Variants in HECW2 observed in about 807,000 individuals in gnomAD.
HECW2 encodes the protein HECT, C2 and WW domain containing E3 ubiquitin protein ligase 2, also known as E3 ubiquitin-protein ligase HECW2.
In HECW2, 61 loss-of-function variants were observed where a neutral mutation model predicts 175.2. The ratio of observed to expected loss-of-function variants is 0.35; its 90% CI spans 0.28 to 0.43. HECW2 has a LOEUF of 0.43. Ranked by LOEUF, HECW2 falls within the 20% of genes least tolerant of loss-of-function variation. The pLI is 1.00. For missense variants in HECW2, 1,524 were observed against 2,000.5 expected (o/e 0.76, Z 4.54); for synonymous variants, 671 against 731.0 (o/e 0.92, Z 1.32).
At chr2:196,575,546 T>A (rs185521644) in intron 1 of HECW2, among the ~76,000 whole-genome samples, 317 of 152,242 alleles carry the variant, frequency 2.1e-3, no homozygotes, top group African/African-American at 7.2e-3. Flanking sequence ...AAAGAAAATA[T>A]GGTGTATGTA....
chr2:196,257,514 C>T lies in HECW2; in HGVS notation c.3419+309G>A, dbSNP rs1689108408. Among the ~76,000 whole-genome samples the T allele has an allele frequency of 5.3e-5, 8 of 152,280 alleles. No individual in the cohort carries two copies. The South Asian group carries it at 1.7e-3, about 32-fold the overall frequency. On this transcript the variant is annotated intron_variant, in intron 18 of 28. Transcript: ENST00000644978. ...ACACTGAGGGGTAAACGGTGGATGC[C>T]TTGTTCAGATACCCTTCTGTTCCAT...
At position 196,466,859 on chromosome 2, in the gene HECW2, G is replaced by T. The variant is rs201870554; in HGVS notation, c.-35-33401C>A. 2.6e-5 allele frequency among the ~76,000 whole-genome samples: 4 copies of T among 152,216 alleles called. No individual in the cohort carries two copies. The East Asian group carries it at 7.7e-4, about 29-fold the overall frequency. On this transcript the variant is annotated intron_variant, in intron 1 of 28. Coordinates refer to ENST00000644978, the MANE Select transcript of HECW2 (RefSeq NM_001348768.2). The stretch of plus-strand genomic sequence containing the variant: ...GAAGGAGCTACTGAAGTTCTATGAT[G>T]AGAGTGATAAAGAAGTGTTTTAAGA...
chr2:196,212,432 T>C (rs943582456), intron 28 of HECW2, among the ~76,000 whole-genome samples: 2 of 152,168 alleles, frequency 1.3e-5, no homozygotes, highest in African/African-American at 4.8e-5. Context: ...CTCCCGCTTG[T>C]GAGAAGATGT....
At chr2:196,548,009 A>G (rs1689480202) in intron 1 of HECW2, among the ~76,000 whole-genome samples, 1 of 152,096 alleles carries the variant, frequency 6.6e-6, no homozygotes, top group South Asian at 2.1e-4. Context: ...TCCAAATGCA[A>G]CTCATTGCTT....
chr2:196,553,413 A>T (rs1363127059), intron 1 of HECW2, among the ~76,000 whole-genome samples: 1 of 152,250 alleles, frequency 6.6e-6, no homozygotes, highest in African/African-American at 2.4e-5. Flanking sequence ...AGCACCAGAT[A>T]CTGTGCTAGA....
intron 1 of HECW2, among the ~76,000 whole-genome samples, chr2:196,585,855 A>G (rs1473021632): frequency 6.6e-6 from 1 of 152,204 alleles, no homozygotes; most frequent in African/African-American, 2.4e-5. Context: ...GTCCATTTGG[A>G]TAAAATGAAG....
chr2:196,415,624 G>A (rs981298500), intron 2 of HECW2, among the ~76,000 whole-genome samples: 9 of 152,142 alleles, frequency 5.9e-5, no homozygotes, highest in Non-Finnish European at 1.3e-4. Context: ...TGCATGACAT[G>A]CAGAATGGGC....
chr2:196,437,177 A>AT (rs1366724120), intron 1 of HECW2, among the ~76,000 whole-genome samples: 1 of 152,150 alleles, frequency 6.6e-6, no homozygotes, highest in Non-Finnish European at 1.5e-5. Context: ...TTAGAAAAAA[A>AT]AAGAAACGCA....
intron 17 of HECW2, among the ~76,000 whole-genome samples, chr2:196,268,507 C>T (rs905451891): frequency 6.6e-6 from 1 of 152,162 alleles, no homozygotes; most frequent in African/African-American, 2.4e-5. Flanking sequence ...CCAACTTGGG[C>T]CTGCAGCTTT....
At chr2:196,370,350 CTCTG>C (rs1050899396) in intron 2 of HECW2, among the ~76,000 whole-genome samples, 3 of 152,190 alleles carry the variant, frequency 2.0e-5, no homozygotes, top group Non-Finnish European at 4.4e-5. Context: ...AGCCTCAAGA[CTCTG>C]TCTGGTGTCG....
intron 4 of HECW2, chr2:196,331,377 C>G (rs974654383): frequency 7.6e-6 from 5 of 659,742 alleles, no homozygotes; most frequent in Middle Eastern, 7.7e-4. Context: ...CCACACACTA[C>G]GCTGGACTAT....
intron 1 of HECW2, among the ~76,000 whole-genome samples, chr2:196,495,678 C>G (rs915819251): frequency 4.6e-5 from 7 of 152,166 alleles, no homozygotes; most frequent in Non-Finnish European, 8.8e-5. Context: ...TGTTAGGACT[C>G]TGACACTCAC....
At chr2:196,545,695 A>G (rs1689395370) in intron 1 of HECW2, among the ~76,000 whole-genome samples, 1 of 152,224 alleles carries the variant, frequency 6.6e-6, no homozygotes, top group African/African-American at 2.4e-5. Flanking sequence ...CAGGACTGCA[A>G]GTCATTCTGT....
intron 6 of HECW2, 149 bp downstream of exon 6, chr2:196,324,831 T>C (rs1057268921): frequency 1.6e-5 from 8 of 515,186 alleles, no homozygotes; most frequent in African/African-American, 1.4e-4. Flanking sequence ...TCTGGAGAGA[T>C]GGGAATAGCT....
intron 1 of HECW2, among the ~76,000 whole-genome samples, chr2:196,522,798 G>T (rs1006053565): frequency 6.6e-6 from 1 of 151,714 alleles, no homozygotes; most frequent in Non-Finnish European, 1.5e-5. Flanking sequence ...TAGATATGCG[G>T]CGTTATTTCT....
At chr2:196,454,074 G>A (rs1034212360) in intron 1 of HECW2, among the ~76,000 whole-genome samples, 1 of 152,018 alleles carries the variant, frequency 6.6e-6, no homozygotes, top group African/African-American at 2.4e-5. Context: ...GCAGTTGCAC[G>A]GTCTCAGCTC....
intron 21 of HECW2, among the ~76,000 whole-genome samples, chr2:196,231,032 G>C (rs1688035222): frequency 7.6e-6 from 1 of 131,354 alleles, no homozygotes; most frequent in East Asian, 2.4e-4. Flanking sequence ...GAACCAGGGA[G>C]TCAGAGGTTG....
At chr2:196,305,308 C>T (rs1284398815) in intron 13 of HECW2, among the ~76,000 whole-genome samples, 1 of 152,128 alleles carries the variant, frequency 6.6e-6, no homozygotes, top group African/African-American at 2.4e-5. Flanking sequence ...GCATGTTATT[C>T]GTTGCTTACT....
At chr2:196,288,792 C>A (rs999462682) in intron 14 of HECW2, 1 of 152,224 alleles carries the variant, frequency 6.6e-6, no homozygotes, top group South Asian at 2.1e-4. Context: ...TCCTGCCAAG[C>A]CCTTGCTATC....
Sources: gnomAD v4.1 joint callset for allele counts (sites outside exome capture counted in the v4.1 genomes callset) on GRCh38, gnomAD v4.1.1 for gene constraint, MANE v1.5 for transcripts, NCBI Gene and HGNC (gene_info 2026-07-23, HGNC 2026-07-21) for gene names.